PIEZO2: variants seen among roughly 807,000 people sequenced by gnomAD.
PIEZO2 encodes piezo type mechanosensitive ion channel component 2.
PIEZO2 carries 172 observed loss-of-function variants against 337.3 expected under a neutral mutation model. The ratio of observed to expected loss-of-function variants is 0.51; its 90% CI spans 0.45 to 0.58. The LOEUF is 0.58. PIEZO2 is among the 20% of genes least tolerant of loss of function. The probability of loss-of-function intolerance (pLI) is 0.00; values close to 1 mark genes in which losing one functional copy is unlikely to be tolerated. For synonymous variants in PIEZO2, 1,251 were observed against 1,228.5 expected, an observed-to-expected ratio of 1.02 and a Z score of -0.38; for missense variants, 3,028 against 3,391.3, an observed-to-expected ratio of 0.89 and a Z score of 2.66.
chr18:10,802,085 C>CAAAAAAAA (rs58924448), intron 9 of PIEZO2, among the ~76,000 whole-genome samples: 31 of 96,602 alleles, frequency 3.2e-4, no homozygotes, highest in Non-Finnish European at 4.3e-4. Context: ...GACTCCGTCT[C>CAAAAAAAA]AAAAAAAAAA....
rs1026932759 is a variant in PIEZO2 at position 11,105,694 on chromosome 18, C to T, written c.65-39472G>A. ...TCAACATCACGTGTCCTCTGAAAGC[C>T]TGAGCTGGGGAATGTTTCATGAATG... On this transcript the variant is annotated intron_variant, in intron 1 of 55. Coordinates refer to ENST00000674853, the MANE Select transcript of PIEZO2 (RefSeq NM_001378183.1). This position sits in a 1 kb window ranked among gnomAD's most constrained non-coding sequence, Gnocchi z 4.3. 6.6e-6 allele frequency among the ~76,000 whole-genome samples: 1 copy of T among 152,136 alleles called. No individual in the cohort carries two copies.
chr18:10,858,889 T>A (rs970383135), intron 5 of PIEZO2, among the ~76,000 whole-genome samples: 1 of 152,110 alleles, frequency 6.6e-6, no homozygotes, highest in African/African-American at 2.4e-5. Flanking sequence ...CATGACACAT[T>A]TGTATATTTT....
At chr18:10,770,020 T>A in intron 21 of PIEZO2, 128 bp downstream of exon 21, 1 of 978,172 alleles carries the variant, frequency 1.0e-6, no homozygotes, top group South Asian at 1.9e-5. Context: ...TGTAAGTACT[T>A]AGTCTTGGAG....
chr18:10,699,077 G>C lies in PIEZO2; in HGVS notation c.6542C>G (p.Ser2181Cys). Residue 2181 changes from serine (S) to cysteine (C), a missense_variant, in exon 44 of 56, where the codon TCC becomes TGC. Transcript: ENST00000674853. ...LSLGHGRRDS[S>C]DSLKSINLAA... ...CAGGTTGATGGACTTGAGAGAATCGGAGGAGTCCCTCCTGCCATGACCGAG... is the reference window on the plus strand; with the variant it reads ...CAGGTTGATGGACTTGAGAGAATCGCAGGAGTCCCTCCTGCCATGACCGAG... The C allele has an allele frequency of 1.3e-6, 2 of 1,537,236 alleles. No homozygotes were observed. Among genetic ancestry groups the C allele is most frequent in the South Asian group, 2.4e-5 (2 of 84,068 alleles).
intron 40 of PIEZO2, 111 bp from the exon 41 acceptor site, chr18:10,705,857 T>C (rs898052228): frequency 1.0e-5 from 13 of 1,280,548 alleles, no homozygotes; most frequent in South Asian, 6.4e-5. Context: ...TGCCCCATTT[T>C]CCCCCCTGCA....
intron 4 of PIEZO2, among the ~76,000 whole-genome samples, chr18:10,879,340 A>T (rs1467657538): frequency 4.0e-5 from 6 of 151,044 alleles, no homozygotes; most frequent in Non-Finnish European, 7.4e-5. Context: ...CACATACTAA[A>T]CTACCTCAAA....
Position 10,760,911 on chromosome 18 carries a change from C to T in PIEZO2, c.3450G>A (p.Glu1150=). The T allele has an allele frequency of 1.3e-6, 2 of 1,527,270 alleles. No homozygotes were observed. Among genetic ancestry groups the T allele is most frequent in the Non-Finnish European group, 1.8e-6 (2 of 1,139,372 alleles). 94.6% of individuals were successfully genotyped at this position (1,527,270 alleles called of 1,614,324 possible). ...INYFFYKFGL[E]TCFLMSVNVI... ...AAAACATATCAGCAAGGAAACTCAC[C>T]TCCAGACCAAACTTGTAAAAGAAGT... Residue 1150 remains glutamate (E), a splice_region_variant and synonymous_variant, in exon 24 of 56, where the codon GAG becomes GAA. Coordinates refer to ENST00000674853, the MANE Select transcript of PIEZO2 (RefSeq NM_001378183.1).
Position 10,988,700 on chromosome 18 carries a change from T to G in PIEZO2, c.161-9040A>C, listed in dbSNP as rs560915345. On this transcript the variant is annotated intron_variant, in intron 2 of 55. Transcript: ENST00000674853. This position sits in a 1 kb window ranked among gnomAD's most constrained non-coding sequence, Gnocchi z 4.8. ...ATCCTAAATGTCCACTGAAGGAATA[T>G]TGGATAAGGAAATTGTGGCATATAC... Among the ~76,000 whole-genome samples the G allele has an allele frequency of 6.6e-6, 1 of 152,118 alleles. No individual in the cohort carries two copies. The highest frequency in any genetic ancestry group is 1.5e-5 in the Non-Finnish European group (1 of 68,018).
Position 10,846,269 on chromosome 18 carries a change from C to T in PIEZO2, c.917+9084G>A, listed in dbSNP as rs531578012. 5.8e-4 allele frequency among the ~76,000 whole-genome samples: 88 copies of T among 152,248 alleles called. No homozygotes were observed. Among genetic ancestry groups the T allele is most frequent in the Non-Finnish European group, 8.2e-4 (56 of 68,014 alleles). On this transcript the variant is annotated intron_variant, in intron 7 of 55. Transcript: ENST00000674853. The surrounding 1 kb of genome is among the most constrained non-coding windows in gnomAD (Gnocchi z 4.1). The stretch of plus-strand genomic sequence containing the variant: ...CAGATGGCAGCAGGCAAAGAGAGAG[C>T]TCATGCAGGCAAACTCCCGTTTTTT...
rs372976788 is a variant in PIEZO2, at chr18:10,954,471, A to C, written c.286+25064T>G. On this transcript the variant is annotated intron_variant, in intron 3 of 55. Transcript: ENST00000674853. The surrounding 1 kb of genome is among the most constrained non-coding windows in gnomAD (Gnocchi z 4.2). ...CAATTGTTGATTGCCAATATGTAGA[A>C]ATACAATTTATTTTGGTATGTTGAT... Among the ~76,000 whole-genome samples the C allele has an allele frequency of 1.0e-3, 157 of 152,362 alleles. 1 individual carries two copies. The South Asian group carries it at 0.011, about 11-fold the overall frequency.
chr18:11,023,071 G>A (rs1309243269), intron 2 of PIEZO2, among the ~76,000 whole-genome samples: 1 of 152,134 alleles, frequency 6.6e-6, no homozygotes, highest in Non-Finnish European at 1.5e-5. Context: ...ACCCTTCGCC[G>A]TGAGTGTTAC....
chr18:10,829,290 A>C (rs2040772009), intron 7 of PIEZO2, among the ~76,000 whole-genome samples: 1 of 152,162 alleles, frequency 6.6e-6, no homozygotes, highest in Admixed American at 6.5e-5. Flanking sequence ...CTGGATATAG[A>C]AGGAACATAC....
At chr18:10,889,378 T>A (rs541922726) in intron 4 of PIEZO2, among the ~76,000 whole-genome samples, 1 of 152,258 alleles carries the variant, frequency 6.6e-6, no homozygotes, top group Non-Finnish European at 1.5e-5. Context: ...TGGATTTTGA[T>A]AATGAATTAT....
chr18:10,891,432 T>C (rs2042752698), intron 4 of PIEZO2, among the ~76,000 whole-genome samples: 1 of 151,756 alleles, frequency 6.6e-6, no homozygotes, highest in Admixed American at 6.6e-5. Context: ...ACAGTACAAA[T>C]CCTCTTTCCA....
intron 44 of PIEZO2, among the ~76,000 whole-genome samples, chr18:10,698,513 A>G (rs10502404): frequency 0.098 from 14,965 of 152,230 alleles, 1,339 homozygotes; most frequent in East Asian, 0.21. Context: ...CTAGACTAGG[A>G]AATAACCATA....
chr18:10,818,813 C>T (rs2040438837), intron 7 of PIEZO2, among the ~76,000 whole-genome samples: 1 of 152,156 alleles, frequency 6.6e-6, no homozygotes, highest in South Asian at 2.1e-4. Flanking sequence ...CATCACTTTC[C>T]TCAACTATTC....
rs761922596 is a variant in PIEZO2 at position 10,853,164 on chromosome 18, T to G, written c.917+2189A>C. ...CAAGTGAGCATGCGCACAACTCCAGTAAACAGACTACATGCAGCCCCTCCC... is the reference window on the plus strand; with the variant it reads ...CAAGTGAGCATGCGCACAACTCCAGGAAACAGACTACATGCAGCCCCTCCC... On this transcript the variant is annotated intron_variant, in intron 7 of 55. Transcript: ENST00000674853. This position sits in a 1 kb window ranked among gnomAD's most constrained non-coding sequence, Gnocchi z 4.2. 6.6e-6 allele frequency among the ~76,000 whole-genome samples: 1 copy of G among 152,214 alleles called. No homozygotes were observed. The highest frequency in any genetic ancestry group is 1.5e-5 in the Non-Finnish European group (1 of 67,998).
intron 47 of PIEZO2, among the ~76,000 whole-genome samples, chr18:10,692,265 C>T (rs181190524): frequency 1.5e-4 from 23 of 152,258 alleles, no homozygotes; most frequent in Non-Finnish European, 2.5e-4. Context: ...ATAAATGCAG[C>T]ATTCTCCAAA....
intron 21 of PIEZO2, among the ~76,000 whole-genome samples, chr18:10,764,202 G>T (rs2038258761): frequency 6.6e-6 from 1 of 152,182 alleles, no homozygotes; most frequent in South Asian, 2.1e-4. Context: ...ATATTTTTAT[G>T]TTAAAGTAAT....
Sources: gnomAD v4.1 joint callset for allele counts (sites outside exome capture counted in the v4.1 genomes callset) on GRCh38, gnomAD v4.1.1 for gene constraint, Gnocchi (gnomAD v3.1) non-coding constraint, MANE v1.5 for transcripts, NCBI Gene and HGNC (gene_info 2026-07-23, HGNC 2026-07-21) for gene names.